The following ZCCHC7 variants were observed in gnomAD, a reference collection of about 807,000 sequenced individuals.
ZCCHC7 encodes zinc finger CCHC domain-containing protein 7.
Under a neutral mutation model 52.0 loss-of-function variants are expected in ZCCHC7, and 35 were observed. The ratio of observed to expected loss-of-function variants is 0.67; its 90% confidence interval spans 0.51 to 0.89. The LOEUF is 0.89. ZCCHC7 is among the 40% of genes least tolerant of loss of function. The pLI is 0.00. For missense variants in ZCCHC7, 574 were observed against 649.1 expected (o/e 0.88, Z 1.26); for synonymous variants, 217 against 221.5 (o/e 0.98, Z 0.18).
chr9:37,286,573 C>T lies in ZCCHC7; in HGVS notation c.611-15615C>T, dbSNP rs142736891. On this transcript the variant is annotated intron_variant, in intron 2 of 8. Transcript: ENST00000336755. Reference sequence around the variant, plus strand: ...CAAGGCACAAGAATTTGCTTGAGTCCGGGAGTCTGAGGCTGCAGTGAGCCA... The same window carrying T: ...CAAGGCACAAGAATTTGCTTGAGTCTGGGAGTCTGAGGCTGCAGTGAGCCA... 4.6e-5 allele frequency among the ~76,000 whole-genome samples: 7 copies of T among 151,508 alleles called. 1 individual carries two copies. The highest frequency in any genetic ancestry group is 1.7e-4 in the African/African-American group (7 of 41,298).
At chr9:37,324,373 T>C (rs1830161076) in intron 5 of ZCCHC7, among the ~76,000 whole-genome samples, 2 of 152,206 alleles carry the variant, frequency 1.3e-5, no homozygotes, top group African/African-American at 4.8e-5. Context: ...GTGTTCAGCA[T>C]GTATGTGACG....
At chr9:37,150,907 A>C (rs1213387311) in intron 2 of ZCCHC7, among the ~76,000 whole-genome samples, 1 of 151,346 alleles carries the variant, frequency 6.6e-6, no homozygotes, top group Non-Finnish European at 1.5e-5. Flanking sequence ...TTTTCTGTGA[A>C]TCTCTGTAGC....
chr9:37,168,713 C>T (rs1361151274), intron 2 of ZCCHC7, among the ~76,000 whole-genome samples: 2 of 152,050 alleles, frequency 1.3e-5, no homozygotes, highest in Non-Finnish European at 2.9e-5. Context: ...GCCCTAGCAA[C>T]ATAACAAGAC....
At chr9:37,133,112 C>T (rs1025947770) in intron 2 of ZCCHC7, among the ~76,000 whole-genome samples, 2 of 151,944 alleles carry the variant, frequency 1.3e-5, no homozygotes, top group African/African-American at 4.8e-5. Context: ...CTAGCCTGGG[C>T]GACAGAGTGA....
At chr9:37,164,481 A>G (rs1307375427) in intron 2 of ZCCHC7, among the ~76,000 whole-genome samples, 3 of 151,690 alleles carry the variant, frequency 2.0e-5, no homozygotes, top group African/African-American at 7.3e-5. Flanking sequence ...AGATAGATAG[A>G]TAGATAGATA....
At chr9:37,303,738 A>G (rs942640208) in intron 3 of ZCCHC7, among the ~76,000 whole-genome samples, 1 of 131,856 alleles carries the variant, frequency 7.6e-6, no homozygotes, top group African/African-American at 2.9e-5. Flanking sequence ...ATCTCGGCTC[A>G]CCACATCCTC....
chr9:37,298,380 T>TC (rs1416364256), intron 2 of ZCCHC7, among the ~76,000 whole-genome samples: 4 of 152,182 alleles, frequency 2.6e-5, no homozygotes, highest in Non-Finnish European at 5.9e-5. Flanking sequence ...TCAAACTATA[T>TC]CAATATCATC....
chr9:37,289,920 A>G (rs565405398), intron 2 of ZCCHC7, among the ~76,000 whole-genome samples: 3 of 152,324 alleles, frequency 2.0e-5, no homozygotes, highest in African/African-American at 4.8e-5. Flanking sequence ...GCAGAAGTAC[A>G]TGGCTAATTC....
chr9:37,267,060 C>T (rs1827138975), intron 2 of ZCCHC7, among the ~76,000 whole-genome samples: 1 of 152,100 alleles, frequency 6.6e-6, no homozygotes, highest in South Asian at 2.1e-4. Context: ...TGGGATATGC[C>T]TGTACAATTA....
intron 2 of ZCCHC7, among the ~76,000 whole-genome samples, chr9:37,267,953 C>T (rs958662505): frequency 2.0e-5 from 3 of 152,140 alleles, no homozygotes; most frequent in Non-Finnish European, 2.9e-5. Flanking sequence ...GATCCTCTCA[C>T]CTTGACCTGA....
At position 37,197,707 on chromosome 9, in the gene ZCCHC7, T is replaced by A. The variant is rs984678744; in HGVS notation, c.610+70765T>A. Among the ~76,000 whole-genome samples the A allele has an allele frequency of 7.9e-5, 12 of 152,188 alleles. 1 individual carries two copies. The highest frequency in any genetic ancestry group is 4.1e-4 in the South Asian group (2 of 4,832). ...TTCCTATGCAGGAGTCCTCTCTGTTTCGAAAGTCAAAACAGCAATTGCACT... is the reference window on the plus strand; with the variant it reads ...TTCCTATGCAGGAGTCCTCTCTGTTACGAAAGTCAAAACAGCAATTGCACT... On this transcript the variant is annotated intron_variant, in intron 2 of 8. Transcript: ENST00000336755.
chr9:37,220,141 T>C (rs563004031), intron 2 of ZCCHC7, among the ~76,000 whole-genome samples: 1 of 152,342 alleles, frequency 6.6e-6, no homozygotes, highest in East Asian at 1.9e-4. Context: ...TGTTGTTCAG[T>C]ACTATGCTCA....
At chr9:37,289,806 A>C (rs986746344) in intron 2 of ZCCHC7, among the ~76,000 whole-genome samples, 1 of 152,110 alleles carries the variant, frequency 6.6e-6, no homozygotes, top group East Asian at 1.9e-4. Flanking sequence ...CATTTTCTGC[A>C]CTCTAGCCAT....
At chr9:37,135,611 C>G (rs1564134691) in intron 2 of ZCCHC7, among the ~76,000 whole-genome samples, 1 of 152,150 alleles carries the variant, frequency 6.6e-6, no homozygotes, top group African/African-American at 2.4e-5. Flanking sequence ...TCGGGGATAC[C>G]TAACAAATTG....
chr9:37,150,966 G>GTTTTT (rs1316435254), intron 2 of ZCCHC7, among the ~76,000 whole-genome samples: 1 of 130,604 alleles, frequency 7.7e-6, no homozygotes, highest in Non-Finnish European at 1.7e-5. Context: ...GGGTTTTTTT[G>GTTTTT]TTTTTTTTTT....
At chr9:37,178,433 A>T (rs996389826) in intron 2 of ZCCHC7, among the ~76,000 whole-genome samples, 1 of 144,674 alleles carries the variant, frequency 6.9e-6, no homozygotes, top group African/African-American at 2.6e-5. Flanking sequence ...AAGGAAAAGG[A>T]AAGAAAAAAG....
At chr9:37,338,468 T>C (rs1830783733) in intron 6 of ZCCHC7, among the ~76,000 whole-genome samples, 1 of 152,146 alleles carries the variant, frequency 6.6e-6, no homozygotes, top group Non-Finnish European at 1.5e-5. Flanking sequence ...CATAAAGTAG[T>C]GCAAGACCTT....
At chr9:37,346,305 A>C (rs1820969389) in intron 6 of ZCCHC7, among the ~76,000 whole-genome samples, 1 of 152,160 alleles carries the variant, frequency 6.6e-6, no homozygotes, top group Admixed American at 6.5e-5. Context: ...GCCTGACCTG[A>C]AGAAGATTTT....
chr9:37,243,901 T>C lies in ZCCHC7; in HGVS notation c.611-58287T>C, dbSNP rs531921666. On this transcript the variant is annotated intron_variant, in intron 2 of 8. Transcript: ENST00000336755. The stretch of plus-strand genomic sequence containing the variant: ...CATCGCACAGTGGATTTTTACGTAG[T>C]AGTAACAATTTGCTGTAAAATTGTA... Among the ~76,000 whole-genome samples, 35 of 152,016 alleles carry C rather than the reference T, an allele frequency of 2.3e-4. No homozygotes were observed. In the South Asian group the frequency reaches 7.2e-3, roughly 31 times the overall value.
Sources: allele counts gnomAD v4.1 joint callset (sites outside exome capture counted in the v4.1 genomes callset), GRCh38; gene constraint gnomAD v4.1.1; transcripts MANE v1.5; gene names NCBI Gene and HGNC (gene_info 2026-07-23, HGNC 2026-07-21).